The following USP40 variants were observed in gnomAD, a reference collection of about 807,000 sequenced individuals.
The protein encoded by USP40 is ubiquitin carboxyl-terminal hydrolase 40.
USP40 carries 143 observed loss-of-function variants against 166.2 expected under a neutral mutation model. That is an observed-to-expected ratio of 0.86 (90% CI 0.75 to 0.99). The LOEUF (loss-of-function observed/expected upper bound fraction) is 0.99, where lower values mean the gene tolerates loss of function less well. Ranked by LOEUF, USP40 falls within the 50% of genes least tolerant of loss-of-function variation. The probability of loss-of-function intolerance (pLI) is 0.00; values close to 1 mark genes in which losing one functional copy is unlikely to be tolerated. For synonymous variants in USP40, 498 were observed against 524.0 expected (o/e 0.95, Z 0.68); for missense variants, 1,444 against 1,479.7 (o/e 0.98, Z 0.40).
At chr2:233,491,314 T>A (rs2065322125) in intron 25 of USP40, 53 bp from the exon 26 acceptor site, 12 of 1,272,238 alleles carry the variant, frequency 9.4e-6, no homozygotes, top group Admixed American at 1.9e-5. Context: ...TTATTTTGTG[T>A]TTCTGAAATA....
intron 18 of USP40, among the ~76,000 whole-genome samples, chr2:233,518,747 G>A (rs1277675642): frequency 4.0e-5 from 6 of 151,816 alleles, no homozygotes; most frequent in African/African-American, 9.7e-5. Flanking sequence ...ATTCCAATCC[G>A]GTACATGTAC....
chr2:233,518,522 G>C (rs554919819), intron 18 of USP40, among the ~76,000 whole-genome samples: 3 of 147,238 alleles, frequency 2.0e-5, no homozygotes, highest in Non-Finnish European at 4.5e-5. Flanking sequence ...AGCGGAGATC[G>C]TGTCACTGCA....
intron 4 of USP40, among the ~76,000 whole-genome samples, chr2:233,558,574 GA>G: frequency 6.6e-6 from 1 of 152,312 alleles, no homozygotes; most frequent in South Asian, 2.1e-4. Flanking sequence ...CATAGAGACA[GA>G]AAGGAGGTCA....
chr2:233,505,093 A>C (rs2066329004), intron 21 of USP40, among the ~76,000 whole-genome samples: 1 of 152,114 alleles, frequency 6.6e-6, no homozygotes, highest in African/African-American at 2.4e-5. Context: ...GCTTCCAAAG[A>C]ACCAATAAGT....
chr2:233,562,785 C>T lies in USP40; in HGVS notation c.218G>A (p.Gly73Asp), dbSNP rs2071768280. 3 of 1,534,194 alleles carry T rather than the reference C, an allele frequency of 2.0e-6. No homozygotes were observed. In the Admixed American group the frequency reaches 6.0e-5, roughly 31 times the overall value. Reference protein sequence around the residue: ...PEFREALFSLGPEELGLFEDK... With the variant: ...PEFREALFSLDPEELGLFEDK... ...TTCAAACAAACCAAGCTCTTCTGGG[C>T]CAAGAGAAAATAGAGCTTCTAAAGA... The change falls in exon 3 of 32, where the codon GGC becomes GAC. Residue 73 changes from glycine (G) to aspartate (D), a missense_variant. Coordinates refer to ENST00000678225, the MANE Select transcript of USP40 (RefSeq NM_001365479.2).
Position 233,510,029 on chromosome 2 carries a change from C to CAAAAGGTAA in USP40, c.2613+11_2613+19dup. On this transcript the variant is annotated intron_variant, in intron 21 of 31. Transcript: ENST00000678225. ...TACAAACACACACAGCCTCTGAAAA[C>CAAAAGGTAA]AAAAGGTAAAATTACTTACATCTCT... is the stretch of plus-strand genomic sequence containing the variant. 6.5e-7 allele frequency: 1 copy of CAAAAGGTAA among 1,548,688 alleles called. No homozygotes were observed. The highest frequency in any genetic ancestry group is 2.4e-5 in the East Asian group (1 of 42,338).
intron 14 of USP40, 137 bp from the exon 15 acceptor site, chr2:233,524,699 C>T: frequency 1.7e-6 from 1 of 603,056 alleles, no homozygotes; most frequent in South Asian, 3.0e-5. Flanking sequence ...TATTTTTATT[C>T]TATTGACATT....
At chr2:233,510,189 T>C (rs1315487916) in intron 20 of USP40, 54 bp from the exon 21 acceptor site, 5 of 1,350,316 alleles carry the variant, frequency 3.7e-6, no homozygotes, top group Non-Finnish European at 5.1e-6. Flanking sequence ...AAAAATCCAA[T>C]AAATGTATTA....
intron 21 of USP40, among the ~76,000 whole-genome samples, chr2:233,506,358 T>C (rs1401079613): frequency 1.3e-5 from 2 of 152,016 alleles, no homozygotes; most frequent in African/African-American, 2.4e-5. Context: ...CTCAAAATGG[T>C]TTAAATGCTT....
intron 31 of USP40, 116 bp downstream of exon 31, chr2:233,481,087 T>C (rs2064552507): frequency 2.1e-6 from 2 of 959,888 alleles, no homozygotes; most frequent in Non-Finnish European, 3.1e-6. Flanking sequence ...CTGGTGTGCT[T>C]TGTGTGCACT....
chr2:233,510,961 T>C (rs138664511), intron 20 of USP40, among the ~76,000 whole-genome samples: 1 of 152,240 alleles, frequency 6.6e-6, no homozygotes, highest in East Asian at 1.9e-4. Context: ...TTTTCCCTCC[T>C]ATCAGCTTGT....
rs777840988 is a variant in USP40, at chr2:233,533,656, T to C, written c.1294A>G (p.Met432Val). ...AAACCTGGGGATTCTGGAGGAAGCA[T>C]CTTGAAAATTTGCTGGTCATTCCTT... The part of the protein sequence containing the change: ...FQRNDQQIFK[M>V]LPPESPGLNN... Residue 432 changes from methionine to valine, a missense_variant, in exon 11 of 32, where the codon ATG (methionine) becomes GTG (valine). Coordinates refer to ENST00000678225, the MANE Select transcript of USP40 (RefSeq NM_001365479.2). 4 of 1,613,840 alleles carry C rather than the reference T, an allele frequency of 2.5e-6. No individual in the cohort carries two copies. The highest frequency in any genetic ancestry group is 3.4e-6 in the Non-Finnish European group (4 of 1,179,828).
chr2:233,565,681 T>A, intron 1 of USP40, 108 bp from the exon 2 acceptor site: 1 of 973,142 alleles, frequency 1.0e-6, no homozygotes, highest in East Asian at 2.6e-5. Context: ...AACACAGGAC[T>A]ACTGTTTCTA....
chr2:233,538,764 C>A (rs949969504), intron 10 of USP40, among the ~76,000 whole-genome samples: 1 of 152,150 alleles, frequency 6.6e-6, no homozygotes, highest in Non-Finnish European at 1.5e-5. Context: ...TGCCTATAAT[C>A]CCAGCACTTT....
At chr2:233,489,133 C>T (rs1182080004) in intron 27 of USP40, among the ~76,000 whole-genome samples, 3 of 152,188 alleles carry the variant, frequency 2.0e-5, no homozygotes, top group Admixed American at 6.5e-5. Flanking sequence ...TATAATGTCA[C>T]AGTCACTGGA....
At chr2:233,479,854 C>T (rs935373820) in intron 31 of USP40, among the ~76,000 whole-genome samples, 15 of 152,058 alleles carry the variant, frequency 9.9e-5, no homozygotes, top group African/African-American at 1.9e-4. Flanking sequence ...CAGTGCTGTC[C>T]GGAAAGCAGC....
At chr2:233,560,829 T>A in intron 3 of USP40, 1 of 539,312 alleles carries the variant, frequency 1.9e-6, no homozygotes, top group Non-Finnish European at 3.3e-6. Context: ...GAGAGGTCGG[T>A]ATTGTTGCAA....
chr2:233,535,588 C>A (rs1411845647), intron 10 of USP40, among the ~76,000 whole-genome samples: 2 of 152,060 alleles, frequency 1.3e-5, no homozygotes, highest in Non-Finnish European at 2.9e-5. Flanking sequence ...TGTAACAGAC[C>A]CACCCTAAAG....
At chr2:233,522,014 GAGA>G (rs1388028399) in intron 16 of USP40, among the ~76,000 whole-genome samples, 2 of 152,182 alleles carry the variant, frequency 1.3e-5, no homozygotes, top group Non-Finnish European at 2.9e-5. Context: ...AGACTGAGCA[GAGA>G]AAGACGAAAT....
Sources: gnomAD v4.1 joint callset for allele counts (sites outside exome capture counted in the v4.1 genomes callset) on GRCh38, gnomAD v4.1.1 for gene constraint, MANE v1.5 for transcripts, NCBI Gene and HGNC (gene_info 2026-07-23, HGNC 2026-07-21) for gene names.